Variants in CNTNAP2 observed in about 807,000 individuals in gnomAD.
The protein encoded by CNTNAP2 is contactin associated protein 2.
A neutral mutation model predicts 155.2 loss-of-function variants in CNTNAP2; 98 were observed. That is an observed-to-expected ratio of 0.63 (90% CI 0.54 to 0.75). The LOEUF (loss-of-function observed/expected upper bound fraction) is 0.75. Ranked by LOEUF, CNTNAP2 falls within the 30% of genes least tolerant of loss-of-function variation. The pLI, the probability that CNTNAP2 is intolerant of heterozygous loss-of-function variation, is 0.00. For synonymous variants in CNTNAP2, 651 were observed against 631.2 expected (o/e 1.03, Z -0.47); for missense variants, 1,727 against 1,688.1 (o/e 1.02, Z -0.40).
At chr7:148,411,455 A>G (rs6464887) in intron 23 of CNTNAP2, among the ~76,000 whole-genome samples, 88,744 of 151,742 alleles carry the variant, frequency 0.58, 26,652 homozygotes, top group African/African-American at 0.67. Flanking sequence ...TAGTAGAGAC[A>G]GGATTGTACC....
intron 10 of CNTNAP2, among the ~76,000 whole-genome samples, chr7:147,449,291 A>G (rs555399752): frequency 6.6e-6 from 1 of 152,308 alleles, no homozygotes; most frequent in South Asian, 2.1e-4. Flanking sequence ...ATGCAAAAGC[A>G]TGACTGAGGA....
chr7:147,740,899 G>A (rs1231363436), intron 13 of CNTNAP2, among the ~76,000 whole-genome samples: 1 of 152,178 alleles, frequency 6.6e-6, no homozygotes, highest in African/African-American at 2.4e-5. Flanking sequence ...CAAGCTCAGG[G>A]CGTAGATCTC....
intron 1 of CNTNAP2, among the ~76,000 whole-genome samples, chr7:146,248,054 G>T (rs191626207): frequency 6.6e-6 from 1 of 151,860 alleles, no homozygotes; most frequent in African/African-American, 2.4e-5. Flanking sequence ...GGAAATAAGG[G>T]ATCGGGGCAC....
intron 1 of CNTNAP2, among the ~76,000 whole-genome samples, chr7:146,300,556 A>G (rs1329245383): frequency 1.3e-5 from 2 of 152,156 alleles, no homozygotes; most frequent in Admixed American, 1.3e-4. Context: ...TATATTTTCC[A>G]TATTATAAAT....
At chr7:147,874,853 C>A (rs781748389) in intron 13 of CNTNAP2, among the ~76,000 whole-genome samples, 1 of 152,204 alleles carries the variant, frequency 6.6e-6, no homozygotes, top group African/African-American at 2.4e-5. Flanking sequence ...AATTATCTCA[C>A]TCAAGTTCAA....
intron 3 of CNTNAP2, among the ~76,000 whole-genome samples, chr7:146,904,825 A>G (rs1321464258): frequency 1.3e-5 from 2 of 152,132 alleles, no homozygotes; most frequent in Non-Finnish European, 2.9e-5. Flanking sequence ...TGTGAATCGT[A>G]TTGTGCTGCT....
chr7:146,651,603 T>C (rs1054227220), intron 1 of CNTNAP2, among the ~76,000 whole-genome samples: 1 of 152,216 alleles, frequency 6.6e-6, no homozygotes, highest in East Asian at 1.9e-4. Flanking sequence ...CTTCTTAGTG[T>C]TGTTTATATT....
chr7:146,438,046 T>C (rs1418414068), intron 1 of CNTNAP2, among the ~76,000 whole-genome samples: 1 of 151,458 alleles, frequency 6.6e-6, no homozygotes, highest in Non-Finnish European at 1.5e-5. Flanking sequence ...GTTAACAATA[T>C]ACACATCTTT....
intron 12 of CNTNAP2, among the ~76,000 whole-genome samples, chr7:147,625,627 C>T (rs1324608948): frequency 6.6e-6 from 1 of 152,104 alleles, no homozygotes; most frequent in African/African-American, 2.4e-5. Context: ...ACTTGGTGGG[C>T]AAGATGGCAG....
At chr7:147,001,360 T>G (rs1241228638) in intron 3 of CNTNAP2, among the ~76,000 whole-genome samples, 1 of 152,062 alleles carries the variant, frequency 6.6e-6, no homozygotes, top group Non-Finnish European at 1.5e-5. Flanking sequence ...CTTTTTCTAT[T>G]GGGCACCTTT....
intron 1 of CNTNAP2, among the ~76,000 whole-genome samples, chr7:146,330,171 C>T (rs1801161104): frequency 1.3e-5 from 2 of 151,832 alleles, no homozygotes; most frequent in African/African-American, 2.4e-5. Context: ...TACAGGCATG[C>T]ACCACCATGC....
intron 1 of CNTNAP2, among the ~76,000 whole-genome samples, chr7:146,465,987 A>T (rs529080517): frequency 5.7e-4 from 87 of 152,176 alleles, no homozygotes; most frequent in African/African-American, 2.0e-3. Context: ...TACTTACCTG[A>T]GTAGTGGGCA....
intron 3 of CNTNAP2, among the ~76,000 whole-genome samples, chr7:146,846,479 C>T (rs1034140852): frequency 2.0e-5 from 3 of 152,138 alleles, no homozygotes; most frequent in Middle Eastern, 3.4e-3. Flanking sequence ...TGTTTATACT[C>T]CTCTTAGGCT....
intron 3 of CNTNAP2, among the ~76,000 whole-genome samples, chr7:146,921,658 A>T (rs567280415): frequency 1.3e-5 from 2 of 152,222 alleles, no homozygotes; most frequent in East Asian, 3.9e-4. Flanking sequence ...TATTGGGGAA[A>T]TCACCTCACG....
chr7:147,726,926 GT>G, intron 13 of CNTNAP2, among the ~76,000 whole-genome samples: 1 of 152,012 alleles, frequency 6.6e-6, no homozygotes, highest in Middle Eastern at 3.4e-3. Context: ...TGGGAAATGG[GT>G]TAAACCAAAA....
chr7:148,370,157 G>A (rs1471790330), intron 21 of CNTNAP2, among the ~76,000 whole-genome samples: 4 of 152,154 alleles, frequency 2.6e-5, no homozygotes, highest in African/African-American at 9.7e-5. Flanking sequence ...AGGATACACT[G>A]CACCCTCTTC....
intron 18 of CNTNAP2, among the ~76,000 whole-genome samples, chr7:148,189,256 A>G (rs1165648680): frequency 6.6e-6 from 1 of 152,218 alleles, no homozygotes; most frequent in African/African-American, 2.4e-5. Context: ...CAAAATCCCT[A>G]GAAAAGGATT....
chr7:147,879,463 ATT>A (rs71661733), intron 13 of CNTNAP2, among the ~76,000 whole-genome samples: 1 of 149,142 alleles, frequency 6.7e-6, no homozygotes, highest in African/African-American at 2.4e-5. Flanking sequence ...AAAGATGGAA[ATT>A]TTTTTTTTTA....
intron 15 of CNTNAP2, among the ~76,000 whole-genome samples, chr7:148,054,737 C>T (rs549146880): frequency 6.6e-6 from 1 of 152,054 alleles, no homozygotes; most frequent in Admixed American, 6.5e-5. Flanking sequence ...AAGTCTGACA[C>T]ATTACAAACC....
Sources: allele counts gnomAD v4.1 joint callset (sites outside exome capture counted in the v4.1 genomes callset), GRCh38; gene constraint gnomAD v4.1.1; transcripts MANE v1.5; gene names NCBI Gene and HGNC (gene_info 2026-07-23, HGNC 2026-07-21).